COL6A6: variants seen among roughly 807,000 people sequenced by gnomAD.
COL6A6 encodes the protein collagen type VI alpha 6 chain.
In COL6A6, 183 loss-of-function variants were observed where a neutral mutation model predicts 208.6. That is an observed-to-expected ratio of 0.88 (90% CI 0.78 to 0.99). The LOEUF is 0.99. Ranked by LOEUF, COL6A6 falls within the 50% of genes least tolerant of loss-of-function variation. The pLI is 0.00. For synonymous variants in COL6A6, 973 were observed against 1,011.8 expected (o/e 0.96, Z 0.73); for missense variants, 2,816 against 2,815.2 (o/e 1.00, Z -0.01).
At chr3:130,529,852 G>A (rs919627341) in intron 1 of COL6A6, among the ~76,000 whole-genome samples, 1 of 152,152 alleles carries the variant, frequency 6.6e-6, no homozygotes, top group African/African-American at 2.4e-5. Context: ...TCCAACACCT[G>A]GTATATGGCA....
chr3:130,616,319 A>C (rs1202793062), intron 23 of COL6A6, among the ~76,000 whole-genome samples: 2 of 152,164 alleles, frequency 1.3e-5, no homozygotes, highest in Non-Finnish European at 2.9e-5. Context: ...TATACGTTTA[A>C]GAAAAGATGT....
intron 23 of COL6A6, among the ~76,000 whole-genome samples, chr3:130,621,171 T>C (rs1466245987): frequency 1.3e-5 from 2 of 152,196 alleles, no homozygotes; most frequent in Non-Finnish European, 2.9e-5. Context: ...TTCAATAAGA[T>C]CTTAAGGCTT....
At chr3:130,589,218 T>A (rs969212511) in intron 12 of COL6A6, 36 bp downstream of exon 12, 1 of 1,459,062 alleles carries the variant, frequency 6.9e-7, no homozygotes, top group Non-Finnish European at 9.6e-7. Context: ...TACTTTGAGT[T>A]GTAGTATGTC....
chr3:130,646,974 A>G (rs2065479256), intron 32 of COL6A6, among the ~76,000 whole-genome samples: 1 of 152,222 alleles, frequency 6.6e-6, no homozygotes, highest in African/African-American at 2.4e-5. Flanking sequence ...TCAGGCAAAT[A>G]TGGTGGCGAC....
intron 36 of COL6A6, among the ~76,000 whole-genome samples, 161 bp downstream of exon 36, chr3:130,665,257 C>T (rs1014701941): frequency 6.6e-6 from 1 of 151,850 alleles, no homozygotes; most frequent in African/African-American, 2.4e-5. Context: ...CAAGAGATAA[C>T]TTTTTAAAAT....
intron 1 of COL6A6, among the ~76,000 whole-genome samples, chr3:130,520,910 G>C (rs1711033083): frequency 1.3e-5 from 2 of 152,104 alleles, no homozygotes; most frequent in African/African-American, 4.8e-5. Flanking sequence ...ACAAGTCTAA[G>C]GAGATGTACT....
intron 36 of COL6A6, 141 bp downstream of exon 36, chr3:130,665,237 T>G: frequency 3.5e-6 from 2 of 578,462 alleles, no homozygotes; most frequent in South Asian, 4.9e-5. Context: ...TAAAATATAA[T>G]TCGAAGGAAC....
chr3:130,574,724 T>C (rs941561933), intron 8 of COL6A6, among the ~76,000 whole-genome samples, 199 bp downstream of exon 8: 1 of 152,214 alleles, frequency 6.6e-6, no homozygotes, highest in Admixed American at 6.5e-5. Flanking sequence ...TCCTGTGCCC[T>C]TTTTTCTCCC....
chr3:130,675,301 T>G lies in COL6A6; in HGVS notation c.6696T>G (p.Ser2232Arg). Residue 2232 changes from serine (S) to arginine (R), a missense_variant, in exon 37 of 37, where the codon AGT becomes AGG. Ser to Arg is a moderately radical substitution (Grantham distance 110). Coordinates refer to ENST00000358511, the MANE Select transcript of COL6A6 (RefSeq NM_001102608.3). Reference sequence around the variant, plus strand: ...AATATCTTTCAAGAGTAGCAAGAAGTGGCAGAGATGATGCTATTCAAAATT... The same window carrying G: ...AATATCTTTCAAGAGTAGCAAGAAGGGGCAGAGATGATGCTATTCAAAATT... The part of the protein sequence containing the change: ...DKKYLSRVAR[S>R]GRDDAIQNFM... 1 of 1,594,462 alleles carries G rather than the reference T, an allele frequency of 6.3e-7. No individual in the cohort carries two copies.
intron 6 of COL6A6, among the ~76,000 whole-genome samples, chr3:130,569,930 G>GT (rs2063120055): frequency 6.6e-6 from 1 of 152,208 alleles, no homozygotes; most frequent in Non-Finnish European, 1.5e-5. Context: ...GCAAGCCTCT[G>GT]GGGGGTGGGT....
At chr3:130,599,089 C>T (rs2063930241) in intron 19 of COL6A6, among the ~76,000 whole-genome samples, 1 of 152,128 alleles carries the variant, frequency 6.6e-6, no homozygotes, top group African/African-American at 2.4e-5. Flanking sequence ...TCCTGGGATA[C>T]TTTCTGTAAA....
At chr3:130,542,285 T>A (rs193292621) in intron 1 of COL6A6, among the ~76,000 whole-genome samples, 6 of 152,316 alleles carry the variant, frequency 3.9e-5, no homozygotes, top group Admixed American at 3.3e-4. Context: ...TTTCTTCTAC[T>A]CATTTTATTT....
Position 130,634,130 on chromosome 3 carries a change from A to T in COL6A6, c.4993-460A>T, listed in dbSNP as rs894443078. Among the ~76,000 whole-genome samples the T allele has an allele frequency of 1.9e-5, 2 of 105,288 alleles. 1 individual carries two copies. Among genetic ancestry groups the T allele is most frequent in the East Asian group, 4.9e-4 (2 of 4,090 alleles). The allele number at this position is 105,288 out of a possible 152,430, so 69.1% of individuals were successfully genotyped here. Reference sequence around the variant, plus strand: ...AGCATTTCAGGGAAACAGTTTGTCAATATTACTTTCCTTTGTCAAATCCGT... The same window carrying T: ...AGCATTTCAGGGAAACAGTTTGTCATTATTACTTTCCTTTGTCAAATCCGT... On this transcript the variant is annotated intron_variant, in intron 26 of 36. Transcript: ENST00000358511.
In COL6A6 at chr3:130,661,729, A is replaced by T. The variant is rs1404673220; in HGVS notation, c.5923A>T (p.Asn1975Tyr). Residue 1975 changes from asparagine (N) to tyrosine (Y), a missense_variant, in exon 35 of 37, where the codon AAC becomes TAC. Asn to Tyr is a moderately radical substitution (Grantham distance 143). Transcript: ENST00000358511. ...TGCTTTCCTTCTGGATGCCTCCCGG[A>T]ACATGGGAAGTGCTGAATTTGAAGA... ...DAAFLLDASRNMGSAEFEDIR... is the reference protein window; with the variant it reads ...DAAFLLDASRYMGSAEFEDIR... 1.2e-6 allele frequency: 2 copies of T among 1,613,762 alleles called. No homozygotes were observed.
intron 4 of COL6A6, 141 bp downstream of exon 4, chr3:130,565,755 A>G: frequency 9.5e-7 from 1 of 1,055,602 alleles, no homozygotes. Context: ...GCTTGAAAAT[A>G]TGAAGCCTAA....
intron 20 of COL6A6, among the ~76,000 whole-genome samples, chr3:130,604,489 C>T (rs6806794): frequency 0.035 from 5,032 of 143,040 alleles, 311 homozygotes; most frequent in African/African-American, 0.12. Flanking sequence ...AGCGAGACTC[C>T]GTCTCAAAAA....
At chr3:130,548,679 A>G (rs1473980666) in intron 1 of COL6A6, among the ~76,000 whole-genome samples, 1 of 152,234 alleles carries the variant, frequency 6.6e-6, no homozygotes, top group African/African-American at 2.4e-5. Context: ...CCAGTAGAGC[A>G]CCAGGAGGTA....
At chr3:130,593,298 A>G in intron 17 of COL6A6, 46 bp downstream of exon 17, 3 of 1,462,496 alleles carry the variant, frequency 2.1e-6, no homozygotes, top group Non-Finnish European at 2.9e-6. Context: ...CTGGGGATTA[A>G]GGGTGTGATT....
intron 4 of COL6A6, among the ~76,000 whole-genome samples, chr3:130,566,230 G>A (rs1304237445): frequency 1.3e-5 from 2 of 152,074 alleles, no homozygotes; most frequent in Non-Finnish European, 2.9e-5. Flanking sequence ...TACTACAAAT[G>A]TCATTGTCTC....
Sources: gnomAD v4.1 joint callset for allele counts (sites outside exome capture counted in the v4.1 genomes callset) on GRCh38, gnomAD v4.1.1 for gene constraint, MANE v1.5 for transcripts, NCBI Gene and HGNC (gene_info 2026-07-23, HGNC 2026-07-21) for gene names.